KCNJ16: variants seen among roughly 807,000 people sequenced by gnomAD.
KCNJ16 encodes the protein potassium inwardly rectifying channel subfamily J member 16.
Under a neutral mutation model 18.5 loss-of-function variants are expected in KCNJ16, and 15 were observed. The ratio of observed to expected loss-of-function variants is 0.81; its 90% CI spans 0.54 to 1.25. The LOEUF is 1.25. Among genes scored for constraint, KCNJ16 ranks in the 50% most tolerant of loss-of-function variants. The pLI is 0.00. For synonymous variants in KCNJ16, 174 were observed against 186.5 expected (o/e 0.93, Z 0.55); for missense variants, 523 against 525.7 (o/e 0.99, Z 0.05).
intron 2 of KCNJ16, among the ~76,000 whole-genome samples, chr17:70,121,637 T>A (rs2073642547): frequency 6.6e-6 from 1 of 152,094 alleles, no homozygotes; most frequent in Non-Finnish European, 1.5e-5. Flanking sequence ...TTTGGCTTTG[T>A]TTTAAAAGAG....
intron 1 of KCNJ16, among the ~76,000 whole-genome samples, chr17:70,089,490 G>A (rs1213053597): frequency 6.6e-6 from 1 of 152,034 alleles, no homozygotes; most frequent in African/African-American, 2.4e-5. Context: ...TAAAATTTTT[G>A]TTTGTTTGTT....
rs1332514066 is a variant in KCNJ16 at position 70,132,218 on chromosome 17, A to G, written c.131A>G (p.Asn44Ser). ...TTACTTCACAAAGATGGCAGCTGTA[A>G]TGTCTACTTCAAGCACATTTTTGGA... ...RRLLHKDGSC[N>S]VYFKHIFGEW... Residue 44 changes from asparagine to serine, a missense_variant, in exon 4 of 4, where the codon AAT becomes AGT. Asn to Ser is a conservative substitution (Grantham distance 46). Coordinates refer to ENST00000392671, the MANE Select transcript of KCNJ16 (RefSeq NM_170741.4). 2.5e-6 allele frequency: 4 copies of G among 1,614,230 alleles called. No individual in the cohort carries two copies. The East Asian group carries it at 8.9e-5, about 36-fold the overall frequency.
intron 2 of KCNJ16, among the ~76,000 whole-genome samples, chr17:70,112,494 C>G (rs1337777879): frequency 6.7e-6 from 1 of 149,670 alleles, no homozygotes; most frequent in Non-Finnish European, 1.5e-5. Flanking sequence ...TTGTCTTGAA[C>G]TCTATGAATG....
chr17:70,115,124 A>G (rs2073352214), intron 2 of KCNJ16, among the ~76,000 whole-genome samples: 1 of 152,138 alleles, frequency 6.6e-6, no homozygotes. Context: ...TCAATTTTTG[A>G]AACTTAAGGT....
At chr17:70,114,448 A>G (rs2073320429) in intron 2 of KCNJ16, among the ~76,000 whole-genome samples, 1 of 152,194 alleles carries the variant, frequency 6.6e-6, no homozygotes, top group Non-Finnish European at 1.5e-5. Context: ...GTCATGACAC[A>G]TATGCCTTCC....
At chr17:70,116,938 C>T (rs2073432651) in intron 2 of KCNJ16, among the ~76,000 whole-genome samples, 1 of 152,304 alleles carries the variant, frequency 6.6e-6, no homozygotes, top group African/African-American at 2.4e-5. Context: ...TTCAAACCAA[C>T]AATCCTGTTA....
At chr17:70,095,613 T>C (rs2072322290) in intron 1 of KCNJ16, among the ~76,000 whole-genome samples, 1 of 152,186 alleles carries the variant, frequency 6.6e-6, no homozygotes, top group Non-Finnish European at 1.5e-5. Flanking sequence ...CCTGTCTTCC[T>C]TGCAAGCTCT....
chr17:70,090,428 T>C (rs1317450319), intron 1 of KCNJ16, among the ~76,000 whole-genome samples: 1 of 152,200 alleles, frequency 6.6e-6, no homozygotes, highest in East Asian at 1.9e-4. Flanking sequence ...GACTTTATTT[T>C]CCCAGGTACT....
At chr17:70,092,566 TATAGATAGATAGATAGATAG>T (rs71149816) in intron 1 of KCNJ16, among the ~76,000 whole-genome samples, 9 of 102,604 alleles carry the variant, frequency 8.8e-5, no homozygotes, top group African/African-American at 2.5e-4. Flanking sequence ...AGATGATAGA[TATAGATAGATAGATAGATAG>T]ATAGATAGAT....
At chr17:70,094,391 A>G (rs2072257370) in intron 1 of KCNJ16, among the ~76,000 whole-genome samples, 1 of 152,204 alleles carries the variant, frequency 6.6e-6, no homozygotes, top group African/African-American at 2.4e-5. Context: ...TGGGAATATC[A>G]ATTGTATCTT....
intron 1 of KCNJ16, among the ~76,000 whole-genome samples, chr17:70,088,540 C>A (rs1279163705): frequency 6.6e-6 from 1 of 152,190 alleles, no homozygotes; most frequent in African/African-American, 2.4e-5. Flanking sequence ...ACAACCAACT[C>A]ATAACAGGCA....
chr17:70,103,321 TACACAC>T (rs1321986647), intron 2 of KCNJ16, among the ~76,000 whole-genome samples: 1 of 44,484 alleles, frequency 2.2e-5, no homozygotes. Context: ...TATATATATA[TACACAC>T]ACATATATAT....
intron 2 of KCNJ16, among the ~76,000 whole-genome samples, chr17:70,109,390 C>G (rs1318000111): frequency 6.6e-6 from 1 of 152,186 alleles, no homozygotes; most frequent in African/African-American, 2.4e-5. Flanking sequence ...TAATTGTTAT[C>G]TGATTATCCT....
intron 1 of KCNJ16, among the ~76,000 whole-genome samples, chr17:70,089,711 A>AT: frequency 6.6e-6 from 1 of 152,324 alleles, no homozygotes; most frequent in African/African-American, 2.4e-5. Flanking sequence ...CGCAAGTGAC[A>AT]TTTTTTCAAA....
At position 70,082,325 on chromosome 17, in the gene KCNJ16, G is replaced by A. The variant is rs114813353; in HGVS notation, c.-300+6935G>A. 8.7e-3 allele frequency among the ~76,000 whole-genome samples: 1,323 copies of A among 152,198 alleles called. 7 individuals carry two copies. The highest frequency in any genetic ancestry group is 0.022 in the African/African-American group (897 of 41,518). On this transcript the variant is annotated intron_variant, in intron 1 of 3. Transcript: ENST00000392671. ...TTCGGTGTGAAGATAAAAGCAGAGT[G>A]GCAGGGGGTAAAATGGAATACAGGA...
At chr17:70,129,852 C>G (rs956543067) in intron 2 of KCNJ16, among the ~76,000 whole-genome samples, 5 of 152,074 alleles carry the variant, frequency 3.3e-5, no homozygotes, top group Admixed American at 3.3e-4. Flanking sequence ...GCTGGTACCC[C>G]TGGAATTCAA....
At chr17:70,118,770 A>G (rs546706891) in intron 2 of KCNJ16, among the ~76,000 whole-genome samples, 10 of 152,298 alleles carry the variant, frequency 6.6e-5, no homozygotes, top group African/African-American at 2.2e-4. Flanking sequence ...ATACATTTCA[A>G]CATGAGATTT....
intron 1 of KCNJ16, among the ~76,000 whole-genome samples, chr17:70,091,969 G>A (rs1322692252): frequency 2.0e-5 from 3 of 152,128 alleles, no homozygotes; most frequent in African/African-American, 7.2e-5. Context: ...TTTGCATTGT[G>A]TAAGCTAAGC....
chr17:70,133,002 C>T lies in KCNJ16; in HGVS notation c.915C>T (p.Leu305=). The T allele has an allele frequency of 6.2e-7, 1 of 1,614,104 alleles. No homozygotes were observed. Among genetic ancestry groups the T allele is most frequent in the Non-Finnish European group, 8.5e-7 (1 of 1,180,002 alleles). Residue 305 remains leucine, a synonymous_variant, in exon 4 of 4, where the codon CTC becomes CTT. Coordinates refer to ENST00000392671, the MANE Select transcript of KCNJ16 (RefSeq NM_170741.4). ...GCTCCTATGTTCCCCGAGAAATTCT[C>T]TGGGGCCATAGGTTTAATGATGTCT... is the stretch of plus-strand genomic sequence containing the variant. The part of the protein sequence containing the change: ...SRSSYVPREI[L]WGHRFNDVLE...
Sources: gnomAD v4.1 joint callset for allele counts (sites outside exome capture counted in the v4.1 genomes callset) on GRCh38, gnomAD v4.1.1 for gene constraint, MANE v1.5 for transcripts, NCBI Gene and HGNC (gene_info 2026-07-23, HGNC 2026-07-21) for gene names.